The following ACACA variants were observed in gnomAD, a reference collection of about 807,000 sequenced individuals.
The protein encoded by ACACA is acetyl-CoA carboxylase alpha.
Under a neutral mutation model 296.1 loss-of-function variants are expected in ACACA, and 103 were observed. That is an observed-to-expected ratio of 0.35 (90% confidence interval 0.30 to 0.41). The LOEUF is 0.41. Among genes scored for constraint, ACACA ranks in the 10% least tolerant of loss-of-function variants. The probability of loss-of-function intolerance (pLI) is 1.00; values close to 1 mark genes in which losing one functional copy is unlikely to be tolerated. For synonymous variants in ACACA, 953 were observed against 1,038.6 expected (o/e 0.92, Z 1.58); for missense variants, 1,554 against 2,989.7 (o/e 0.52, Z 11.20).
At chr17:37,203,868 C>G (rs2078383722) in intron 33 of ACACA, among the ~76,000 whole-genome samples, 1 of 152,214 alleles carries the variant, frequency 6.6e-6, no homozygotes, top group Admixed American at 6.5e-5. Context: ...AAATTTCTGT[C>G]TACAGAAAAA....
intron 5 of ACACA, among the ~76,000 whole-genome samples, chr17:37,282,381 T>A (rs1306499730): frequency 6.6e-6 from 1 of 152,224 alleles, no homozygotes; most frequent in Non-Finnish European, 1.5e-5. Context: ...TGTGAGCCAA[T>A]TAAACCTCTT....
intron 43 of ACACA, among the ~76,000 whole-genome samples, chr17:37,153,989 T>C (rs903915056): frequency 7.2e-5 from 11 of 152,206 alleles, no homozygotes; most frequent in Admixed American, 2.0e-4. Flanking sequence ...AAAATCATTA[T>C]GGAACTTTTT....
intron 31 of ACACA, 32 bp downstream of exon 31, chr17:37,207,625 C>T: frequency 1.9e-6 from 3 of 1,613,260 alleles, no homozygotes; most frequent in Non-Finnish European, 2.5e-6. Flanking sequence ...CCATGGCTCC[C>T]CTTGTACAGA....
chr17:37,177,515 G>A (rs2077165587), intron 41 of ACACA, among the ~76,000 whole-genome samples: 1 of 152,114 alleles, frequency 6.6e-6, no homozygotes, highest in South Asian at 2.1e-4. Flanking sequence ...ATGGCAAGGG[G>A]TTTCACACAG....
chr17:37,352,478 C>G (rs561747575), intron 1 of ACACA, among the ~76,000 whole-genome samples: 3 of 151,820 alleles, frequency 2.0e-5, no homozygotes, highest in African/African-American at 7.3e-5. Context: ...TTTGGGAGCC[C>G]GAGGCAGGAA....
intron 45 of ACACA, among the ~76,000 whole-genome samples, chr17:37,146,629 T>G (rs573490171): frequency 8.1e-6 from 1 of 123,724 alleles, no homozygotes; most frequent in East Asian, 2.6e-4. Context: ...CCACCGGAGC[T>G]GCAGCGACAT....
rs201173186 is a variant in ACACA, at chr17:37,280,529, G to A, written c.611-2524C>T. On this transcript the variant is annotated intron_variant, in intron 5 of 55. Coordinates refer to ENST00000616317, the MANE Select transcript of ACACA (RefSeq NM_198834.3). ...GCCCTCCATGCTTTTTATCAATAAGGTATAATCTCTTAATCTTAAGGTAGA... is the reference window on the plus strand; with the variant it reads ...GCCCTCCATGCTTTTTATCAATAAGATATAATCTCTTAATCTTAAGGTAGA... Among the ~76,000 whole-genome samples, 5 of 152,088 alleles carry A rather than the reference G, an allele frequency of 3.3e-5. No homozygotes were observed. The East Asian group carries it at 7.7e-4, about 24-fold the overall frequency.
chr17:37,376,437 G>A (rs1195126739), intron 1 of ACACA, among the ~76,000 whole-genome samples: 1 of 152,128 alleles, frequency 6.6e-6, no homozygotes. Flanking sequence ...GCTTTCTTTA[G>A]AGTTTCAGTA....
chr17:37,220,433 T>C (rs9330250), intron 29 of ACACA, among the ~76,000 whole-genome samples: 48,735 of 151,980 alleles, frequency 0.32, 9,548 homozygotes, highest in African/African-American at 0.54. Flanking sequence ...GCATTAAGTA[T>C]AGCGTGTAGT....
intron 1 of ACACA, among the ~76,000 whole-genome samples, chr17:37,378,118 TTTAAA>T (rs569527589): frequency 1.8e-3 from 267 of 152,306 alleles, no homozygotes; most frequent in Middle Eastern, 3.4e-3. Context: ...GAAACCAATC[TTTAAA>T]TTAACTGTCA....
intron 45 of ACACA, chr17:37,144,346 TCG>T (rs1267013881): frequency 4.4e-5 from 22 of 502,084 alleles, no homozygotes; most frequent in South Asian, 4.1e-4. Flanking sequence ...TGTCTGGCTC[TCG>T]CTTGCCCCGG....
chr17:37,165,542 C>T (rs2144544973), intron 41 of ACACA, among the ~76,000 whole-genome samples: 1 of 152,010 alleles, frequency 6.6e-6, no homozygotes, highest in South Asian at 2.1e-4. Flanking sequence ...TTTCTCTCTC[C>T]TCTCCTCTCA....
chr17:37,252,127 G>A lies in ACACA; in HGVS notation c.1978-19C>T, dbSNP rs2081022515. On this transcript the variant is annotated intron_variant, in intron 15 of 55. Transcript: ENST00000616317. Reference sequence around the variant, plus strand: ...GCTCAGCCTGAAAGGAGGAAAAAGAGGGCAGATCAAATGCATGGTCACTTG... The same window carrying A: ...GCTCAGCCTGAAAGGAGGAAAAAGAAGGCAGATCAAATGCATGGTCACTTG... 1 of 1,607,412 alleles carries A rather than the reference G, an allele frequency of 6.2e-7. No homozygotes were observed. The highest frequency in any genetic ancestry group is 8.5e-7 in the Non-Finnish European group (1 of 1,174,034).
At chr17:37,117,701 A>G (rs978995513) in intron 50 of ACACA, among the ~76,000 whole-genome samples, 3 of 152,214 alleles carry the variant, frequency 2.0e-5, no homozygotes, top group Admixed American at 6.5e-5. Flanking sequence ...GCTCATTGAA[A>G]AAAAGCACCA....
chr17:37,193,118 T>A (rs559122226), intron 36 of ACACA, among the ~76,000 whole-genome samples: 3 of 152,170 alleles, frequency 2.0e-5, no homozygotes, highest in African/African-American at 2.4e-5. Flanking sequence ...ATCATTAGGA[T>A]CATTCTACAG....
intron 39 of ACACA, among the ~76,000 whole-genome samples, chr17:37,185,485 A>T (rs1038845079): frequency 1.0e-4 from 14 of 138,214 alleles, no homozygotes; most frequent in African/African-American, 3.9e-4. Flanking sequence ...TCCTGGGCTC[A>T]TGTGATCCTC....
At chr17:37,225,566 G>C (rs972639958) in intron 26 of ACACA, 2 of 189,232 alleles carry the variant, frequency 1.1e-5, no homozygotes, top group South Asian at 1.1e-4. Flanking sequence ...CCAGGTACTC[G>C]GCACCAAGGA....
intron 31 of ACACA, 109 bp downstream of exon 31, chr17:37,207,548 T>G (rs1487757451): frequency 1.5e-6 from 2 of 1,335,660 alleles, no homozygotes; most frequent in African/African-American, 2.9e-5. Context: ...TCTTTTTAGC[T>G]GGCTCATGGC....
rs142033617 is a variant in ACACA, at chr17:37,331,915, T to C, written c.86-1490A>G. Among the ~76,000 whole-genome samples the C allele has an allele frequency of 6.0e-3, 904 of 151,838 alleles. 11 individuals carry two copies. The highest frequency in any genetic ancestry group is 9.8e-3 in the South Asian group (47 of 4,790). On this transcript the variant is annotated intron_variant, in intron 2 of 55. Transcript: ENST00000616317. ...AATTTTTAATTAAAAAAAAAAAAAC[T>C]TTACTTGTCCTCATGAGTTTTTTCT...
Sources: allele counts gnomAD v4.1 joint callset (sites outside exome capture counted in the v4.1 genomes callset), GRCh38; gene constraint gnomAD v4.1.1; transcripts MANE v1.5; gene names NCBI Gene and HGNC (gene_info 2026-07-23, HGNC 2026-07-21).